Variants in EIF4G1 observed in about 807,000 individuals in gnomAD.
EIF4G1 encodes the protein EIF4-gamma.
In EIF4G1, 4 loss-of-function variants were observed where a neutral mutation model predicts 187.8. The observed-to-expected ratio is 0.02, with a 90% CI of 0.01 to 0.05. The LOEUF (loss-of-function observed/expected upper bound fraction) is 0.05. EIF4G1 is among the 10% of genes least tolerant of loss of function. The probability of loss-of-function intolerance (pLI) is 1.00; values close to 1 mark genes in which losing one functional copy is unlikely to be tolerated. For missense variants in EIF4G1, 1,647 were observed against 2,081.1 expected, an observed-to-expected ratio of 0.79 and a Z score of 4.06; for synonymous variants, 844 against 781.4, an observed-to-expected ratio of 1.08 and a Z score of -1.34.
Position 184,323,209 on chromosome 3 carries a change from GGTGGGCCAGGTGGGGAGCTGCCCC to G in EIF4G1, c.2064_2087del (p.Gly689_Pro696del). On this transcript the variant is annotated inframe_deletion, in exon 14 of 33. Transcript: ENST00000346169. This position sits in a 1 kb window ranked among gnomAD's most constrained non-coding sequence, Gnocchi z 6.9. ...CCTTAGCACCCGTGGGCCCCCAAGGGGTGGGCCAGGTGGGGAGCTGCCCCGTGGGCCGGTGAGTGGGGCTGGGTA... is the reference window on the plus strand; with the variant it reads ...CCTTAGCACCCGTGGGCCCCCAAGGGGTGGGCCGGTGAGTGGGGCTGGGTA... 6.2e-7 allele frequency: 1 copy of G among 1,614,230 alleles called. No individual in the cohort carries two copies. The highest frequency in any genetic ancestry group is 1.3e-5 in the African/African-American group (1 of 75,072).
chr3:184,326,104 G>GGTA, intron 21 of EIF4G1, 153 bp downstream of exon 21: 2 of 770,414 alleles, frequency 2.6e-6, no homozygotes, highest in East Asian at 5.4e-5. Context: ...GAGGGAGGGT[G>GGTA]GTACTCCCAT....
intron 28 of EIF4G1, among the ~76,000 whole-genome samples, chr3:184,330,744 T>G (rs1197720203): frequency 6.6e-6 from 1 of 152,088 alleles, no homozygotes. Flanking sequence ...TTTTATTTTA[T>G]TATTATTATT....
At chr3:184,322,205 A>T in intron 10 of EIF4G1, 102 bp downstream of exon 10, 1 of 1,580,460 alleles carries the variant, frequency 6.3e-7, no homozygotes, top group Non-Finnish European at 8.7e-7. Flanking sequence ...GGTCCCTGCA[A>T]TGGAATCTAA....
chr3:184,325,171 G>T lies in EIF4G1; in HGVS notation c.2856+57G>T. 1 of 1,602,758 alleles carries T rather than the reference G, an allele frequency of 6.2e-7. No homozygotes were observed. The highest frequency in any genetic ancestry group is 8.5e-7 in the Non-Finnish European group (1 of 1,169,824). ...CTGAAGCATATGTGGGGCTCACTGA[G>T]CCCACAATGATGGGGCGGAAGGCCT... On this transcript the variant is annotated intron_variant, in intron 18 of 32. Coordinates refer to ENST00000346169, the MANE Select transcript of EIF4G1 (RefSeq NM_198241.3). The surrounding 1 kb of genome is among the most constrained non-coding windows in gnomAD (Gnocchi z 5.2).
intron 17 of EIF4G1, 133 bp downstream of exon 17, chr3:184,324,480 C>T (rs1724480381): frequency 1.5e-6 from 2 of 1,344,206 alleles, no homozygotes; most frequent in Non-Finnish European, 2.1e-6. Flanking sequence ...GTTTTTTTTC[C>T]TTTTTGAGAC....
chr3:184,322,467 T>C lies in EIF4G1; in HGVS notation c.1608+17T>C. The C allele has an allele frequency of 6.2e-7, 1 of 1,613,368 alleles. No homozygotes were observed. Among genetic ancestry groups the C allele is most frequent in the Non-Finnish European group, 8.5e-7 (1 of 1,179,832 alleles). ...TTCAAGGAGGTAAGGGAGCAGAAAA[T>C]GGGAGGGGAGAGGGCCAAGTTGAGG... is the stretch of plus-strand genomic sequence containing the variant. On this transcript the variant is annotated intron_variant, in intron 11 of 32. Coordinates refer to ENST00000346169, the MANE Select transcript of EIF4G1 (RefSeq NM_198241.3).
At position 184,327,581 on chromosome 3, in the gene EIF4G1, C is replaced by G; in HGVS notation, c.3662-5C>G. Reference sequence around the variant, plus strand: ...GTCCCTCTAATCTGTGTTCTCTTCCCACAGTGAAGCGAGAAGCTGCCCTAC... The same window carrying G: ...GTCCCTCTAATCTGTGTTCTCTTCCGACAGTGAAGCGAGAAGCTGCCCTAC... On this transcript the variant is annotated splice_polypyrimidine_tract_variant and splice_region_variant and intron_variant, in intron 24 of 32. Coordinates refer to ENST00000346169, the MANE Select transcript of EIF4G1 (RefSeq NM_198241.3). 1 of 1,614,012 alleles carries G rather than the reference C, an allele frequency of 6.2e-7. No individual in the cohort carries two copies. Among genetic ancestry groups the G allele is most frequent in the Non-Finnish European group, 8.5e-7 (1 of 1,179,874 alleles).
At chr3:184,322,314 T>G in intron 10 of EIF4G1, 48 bp from the exon 11 acceptor site, 2 of 1,585,310 alleles carry the variant, frequency 1.3e-6, no homozygotes, top group South Asian at 1.1e-5. Context: ...GGGTACTCCT[T>G]AAATTATTGG....
intron 28 of EIF4G1, among the ~76,000 whole-genome samples, chr3:184,330,772 C>T (rs984837171): frequency 3.3e-5 from 5 of 151,966 alleles, no homozygotes; most frequent in South Asian, 2.1e-4. Flanking sequence ...GACAGAGTCT[C>T]GCTGTGTCGC....
rs148514969 is a variant in EIF4G1, at chr3:184,334,286, G to A, written c.4619-441G>A. On this transcript the variant is annotated intron_variant, in intron 32 of 32. Coordinates refer to ENST00000346169, the MANE Select transcript of EIF4G1 (RefSeq NM_198241.3). This position sits in a 1 kb window ranked among gnomAD's most constrained non-coding sequence, Gnocchi z 5.8. ...AGGTGTGTATGTACAGGAAATGTGT[G>A]GGGAAGGAAGGGAAATTGAGATCAG... Among the ~76,000 whole-genome samples the A allele has an allele frequency of 2.1e-3, 314 of 152,270 alleles. 2 individuals are homozygous for A. Among genetic ancestry groups the A allele is most frequent in the Admixed American group, 3.5e-3 (54 of 15,302 alleles).
In EIF4G1 at chr3:184,322,668, A is replaced by G; in HGVS notation, c.1733A>G (p.Glu578Gly). 6.2e-7 allele frequency: 1 copy of G among 1,614,222 alleles called. No individual in the cohort carries two copies. Among genetic ancestry groups the G allele is most frequent in the Non-Finnish European group, 8.5e-7 (1 of 1,180,040 alleles). ...EEADETWDSK[E>G]DKIHNAENIQ... ...GCAGATGAGACCTGGGACTCAAAGG[A>G]AGACAAAATTCACAATGCTGAGAAC... Residue 578 changes from glutamate (E) to glycine (G), a missense_variant, in exon 12 of 33, where the codon GAA (glutamate) becomes GGA (glycine). Coordinates refer to ENST00000346169, the MANE Select transcript of EIF4G1 (RefSeq NM_198241.3).
chr3:184,325,307 C>A lies in EIF4G1; in HGVS notation c.2895C>A (p.Ile965=), dbSNP rs751408255. 2 of 1,614,174 alleles carry A rather than the reference C, an allele frequency of 1.2e-6. No individual in the cohort carries two copies. The highest frequency in any genetic ancestry group is 1.1e-5 in the South Asian group (1 of 91,082). ...MDQYFNQMEK[I]IKEKKTSSRI... ...AGTATTTCAACCAGATGGAAAAAATCATTAAAGAAAAGAAGACGTCATCCC... is the reference window on the plus strand; with the variant it reads ...AGTATTTCAACCAGATGGAAAAAATAATTAAAGAAAAGAAGACGTCATCCC... The change falls in exon 19 of 33, where the codon ATC becomes ATA. Residue 965 remains isoleucine (I), a synonymous_variant. Coordinates refer to ENST00000346169, the MANE Select transcript of EIF4G1 (RefSeq NM_198241.3). This position sits in a 1 kb window ranked among gnomAD's most constrained non-coding sequence, Gnocchi z 5.2.
In EIF4G1 at chr3:184,322,864, C is replaced by T. The variant is rs1440000599; in HGVS notation, c.1839C>T (p.Asp613=). 6.2e-7 allele frequency: 1 copy of T among 1,613,984 alleles called. No individual in the cohort carries two copies. Among genetic ancestry groups the T allele is most frequent in the South Asian group, 1.1e-5 (1 of 91,080 alleles). The stretch of plus-strand genomic sequence containing the variant: ...ACCTAGAGGAGAAAAAACGTTACGA[C>T]CGTGAGTTCCTGCTTGGTTTTCAGT... ...PLNLEEKKRY[D]REFLLGFQFI... is the part of the protein sequence containing the mutation. The change falls in exon 13 of 33, where the codon GAC becomes GAT. Residue 613 remains aspartate (D), a synonymous_variant. Transcript: ENST00000346169.
At position 184,335,167 on chromosome 3, in the gene EIF4G1, T is replaced by C. The variant is rs1025030499; in HGVS notation, c.*259T>C. On this transcript the variant is annotated 3_prime_UTR_variant, in exon 33 of 33. Coordinates refer to ENST00000346169, the MANE Select transcript of EIF4G1 (RefSeq NM_198241.3). ...TAAAGTCTTGAAATTTGGTGTGTCTTGGGGTGGGGAGGGGCACCAACGCCT... is the reference window on the plus strand; with the variant it reads ...TAAAGTCTTGAAATTTGGTGTGTCTCGGGGTGGGGAGGGGCACCAACGCCT... 1.4e-5 allele frequency: 7 copies of C among 485,636 alleles called. No homozygotes were observed. Among genetic ancestry groups the C allele is most frequent in the African/African-American group, 1.4e-4 (7 of 51,422 alleles). The allele number at this position is 485,636 out of a possible 1,614,324, so 30.1% of individuals were successfully genotyped here. A position where few individuals can be genotyped will look rare whatever the true frequency, so the allele number is the denominator to read the frequency against.
Position 184,331,991 on chromosome 3 carries a change from C to G in EIF4G1, c.4523C>G (p.Ala1508Gly), listed in dbSNP as rs775572403. 2.0e-5 allele frequency: 32 copies of G among 1,614,054 alleles called. No homozygotes were observed. The highest frequency in any genetic ancestry group is 2.5e-5 in the Non-Finnish European group (30 of 1,180,052). Reference protein sequence around the residue: ...RVDVAVLKARAKLLQKYLCDE... With the variant: ...RVDVAVLKARGKLLQKYLCDE... ...GACGTTGCAGTGCTGAAAGCGCGAG[C>G]GAAGCTGCTGCAGAAATACCTGTGT... The change falls in exon 32 of 33, where the codon GCG becomes GGG. Residue 1508 changes from alanine to glycine, a missense_variant. Transcript: ENST00000346169.
chr3:184,324,420 G>T, intron 17 of EIF4G1, 73 bp downstream of exon 17: 1 of 1,607,020 alleles, frequency 6.2e-7, no homozygotes, highest in Non-Finnish European at 8.5e-7. Context: ...CTCAGCTGTA[G>T]AATTTGGAAT....
intron 6 of EIF4G1, chr3:184,319,109 A>G (rs1211423447): frequency 1.3e-5 from 2 of 152,068 alleles, no homozygotes; most frequent in East Asian, 1.9e-4. Flanking sequence ...AAAAGAACTC[A>G]CCCACTTTGG....
rs530280358 is a variant in EIF4G1, at chr3:184,325,139, G to T, written c.2856+25G>T. The T allele has an allele frequency of 6.2e-7, 1 of 1,612,206 alleles. No individual in the cohort carries two copies. Among genetic ancestry groups the T allele is most frequent in the African/African-American group, 1.3e-5 (1 of 75,006 alleles). On this transcript the variant is annotated intron_variant, in intron 18 of 32. Transcript: ENST00000346169. The surrounding 1 kb of genome is among the most constrained non-coding windows in gnomAD (Gnocchi z 5.2). Reference sequence around the variant, plus strand: ...GGTAGAGGTCCTTGCATCTGGAGGGGGATGGGCTGAAGCATATGTGGGGCT... The same window carrying T: ...GGTAGAGGTCCTTGCATCTGGAGGGTGATGGGCTGAAGCATATGTGGGGCT...
rs1424246835 is a variant in EIF4G1 at position 184,323,942 on chromosome 3, G to A, written c.2437G>A (p.Val813Met). Residue 813 changes from valine to methionine, a missense_variant, in exon 16 of 33, where the codon GTG becomes ATG. By Grantham distance (21) the Val-to-Met change is conservative. Transcript: ENST00000346169. The surrounding 1 kb of genome is among the most constrained non-coding windows in gnomAD (Gnocchi z 6.9). Reference protein sequence around the residue: ...EKAISEPNFSVAYANMCRCLM... With the variant: ...EKAISEPNFSMAYANMCRCLM... The stretch of plus-strand genomic sequence containing the variant: ...GGCCATTTCAGAGCCCAACTTCTCT[G>A]TGGCCTATGCCAACATGTGCCGCTG... 1 of 1,614,088 alleles carries A rather than the reference G, an allele frequency of 6.2e-7. No homozygotes were observed. Among genetic ancestry groups the A allele is most frequent in the South Asian group, 1.1e-5 (1 of 91,070 alleles).
Sources: allele counts gnomAD v4.1 joint callset (sites outside exome capture counted in the v4.1 genomes callset), GRCh38; gene constraint gnomAD v4.1.1; non-coding constraint Gnocchi (gnomAD v3.1); transcripts MANE v1.5; gene names NCBI Gene and HGNC (gene_info 2026-07-23, HGNC 2026-07-21).